SYN1: variants seen among roughly 807,000 people sequenced by gnomAD.
SYN1 encodes synapsin I, also known as synapsin-1.
SYN1 carries 8 observed loss-of-function variants against 44.6 expected under a neutral mutation model. That is an observed-to-expected ratio of 0.18 (90% confidence interval 0.11 to 0.32). The LOEUF is 0.32. Ranked by LOEUF, SYN1 falls within the 10% of genes least tolerant of loss-of-function variation. The probability of loss-of-function intolerance (pLI) is 1.00; values close to 1 mark genes in which losing one functional copy is unlikely to be tolerated. For missense variants in SYN1, 451 were observed against 639.4 expected (o/e 0.71, Z 3.18); for synonymous variants, 275 against 280.1 (o/e 0.98, Z 0.18).
Position 47,619,414 on chromosome X carries a change from GC to G in SYN1, c.314del (p.Gly105AlafsTer39), listed in dbSNP as rs1603078587. 1.7e-6 allele frequency: 2 copies of G among 1,189,278 alleles called. No individual in the cohort carries two copies. Among genetic ancestry groups the G allele is most frequent in the Non-Finnish European group, 1.1e-6 (1 of 889,585 alleles). On this transcript the variant is annotated frameshift_variant, in exon 1 of 13. Coordinates refer to ENST00000295987, the MANE Select transcript of SYN1 (RefSeq NM_006950.3). LOFTEE classifies it high-confidence loss of function. ...FSEQVGGGSG[G>X]AGRGGAASRV... The stretch of plus-strand genomic sequence containing the variant: ...TGGAGGCGGCTCCCCCGCGGCCTGC[GC>G]CCCCAGAGCCGCCGCCCACCTGCTC...
In SYN1 at chrX:47,577,448, C is replaced by T; in HGVS notation, c.828G>A (p.Gly276=). 1 of 1,207,529 alleles carries T rather than the reference C, an allele frequency of 8.3e-7. No individual in the cohort carries two copies. The highest frequency in any genetic ancestry group is 3.0e-5 in the East Asian group (1 of 33,598). ...VVVKMGHAHS[G]MGKVKVDNQH... The stretch of plus-strand genomic sequence containing the variant: ...CCAGCCAGAGACTCACCTTGCCCAT[C>T]CCAGAGTGTGCGTGCCCCATCTTCA... Residue 276 remains glycine (G), a synonymous_variant, in exon 6 of 13, where the codon GGG becomes GGA. Coordinates refer to ENST00000295987, the MANE Select transcript of SYN1 (RefSeq NM_006950.3).
Position 47,574,409 on chromosome X carries a change from C to T in SYN1, c.1575G>A (p.Pro525=), listed in dbSNP as rs762842741. 1 of 1,027,038 alleles carries T rather than the reference C, an allele frequency of 9.7e-7. No individual in the cohort carries two copies. The highest frequency in any genetic ancestry group is 1.2e-6 in the Non-Finnish European group (1 of 812,922). 84.6% of individuals were successfully genotyped at this position (1,027,038 alleles called of 1,213,427 possible). Reference sequence around the variant, plus strand: ...GGGATTGGCGGCCTTGACCCTGGGTCGGCGGCGCGGCCTGGGACGCGGGCT... The same window carrying T: ...GGGATTGGCGGCCTTGACCCTGGGTTGGCGGCGCGGCCTGGGACGCGGGCT... ...PQQPASQAAP[P]TQGQGRQSRP... Residue 525 remains proline, a synonymous_variant, in exon 12 of 13, where the codon CCG becomes CCA. Coordinates refer to ENST00000295987, the MANE Select transcript of SYN1 (RefSeq NM_006950.3).
chrX:47,584,357 C>G (rs1256328416), intron 5 of SYN1, among the ~76,000 whole-genome samples: 6 of 110,679 alleles, frequency 5.4e-5, no homozygotes, highest in African/African-American at 9.9e-5. Context: ...TGAGGATGAT[C>G]AGATATAGAA....
At chrX:47,585,596 T>C (rs779789635) in intron 5 of SYN1, 1 of 1,197,768 alleles carries the variant, frequency 8.3e-7, no homozygotes, top group Non-Finnish European at 1.1e-6. Flanking sequence ...TGTGGCTCCC[T>C]GGAACAGCCT....
chrX:47,583,309 C>A (rs2057807575), intron 5 of SYN1: 2 of 682,309 alleles, frequency 2.9e-6, no homozygotes, highest in Non-Finnish European at 2.1e-6. Flanking sequence ...CCCCCTAATC[C>A]CCCCCATAGG....
chrX:47,603,671 C>T (rs1369202173), intron 5 of SYN1, among the ~76,000 whole-genome samples: 1 of 110,266 alleles, frequency 9.1e-6, no homozygotes, highest in African/African-American at 3.3e-5. Flanking sequence ...CCACTGCATG[C>T]CATGTTTATG....
chrX:47,594,190 C>T (rs1274056179), intron 5 of SYN1, among the ~76,000 whole-genome samples: 2 of 107,706 alleles, frequency 1.9e-5, no homozygotes, highest in East Asian at 2.9e-4. Flanking sequence ...GCCAAGATTG[C>T]GCCACTGCAC....
At position 47,572,303 on chromosome X, in the gene SYN1, G is replaced by A. The variant is rs1183386894; in HGVS notation, c.*561C>T. On this transcript the variant is annotated 3_prime_UTR_variant, in exon 13 of 13. Coordinates refer to ENST00000295987, the MANE Select transcript of SYN1 (RefSeq NM_006950.3). ...CTCCCAAGGTATTGAATGAGGTTGA[G>A]GGGAGCTGGTGAAGGGAAATCCTTG... is the stretch of plus-strand genomic sequence containing the variant. 8.7e-6 allele frequency: 1 copy of A among 115,074 alleles called. No homozygotes were observed. The highest frequency in any genetic ancestry group is 1.8e-5 in the Non-Finnish European group (1 of 55,438). 9.5% of individuals were successfully genotyped at this position (115,074 alleles called of 1,213,427 possible). A position where few individuals can be genotyped will look rare whatever the true frequency, so the allele number is the denominator to read the frequency against.
chrX:47,619,833 ACTC>A lies in SYN1; in HGVS notation c.-108_-106del. On this transcript the variant is annotated 5_prime_UTR_variant, in exon 1 of 13. Coordinates refer to ENST00000295987, the MANE Select transcript of SYN1 (RefSeq NM_006950.3). ...CAGCTGCGCTCTCAGGCACGACACG[ACTC>A]CTCCGCTGCCCACCGCAGACTGAGG... 1 of 880,312 alleles carries A rather than the reference ACTC, an allele frequency of 1.1e-6. No individual in the cohort carries two copies. The highest frequency in any genetic ancestry group is 1.5e-6 in the Non-Finnish European group (1 of 648,796). The allele number at this position is 880,312 out of a possible 1,213,427, so 72.5% of individuals were successfully genotyped here. A position where few individuals can be genotyped will look rare whatever the true frequency, so the allele number is the denominator to read the frequency against.
chrX:47,596,022 CT>C (rs1174590330), intron 5 of SYN1, among the ~76,000 whole-genome samples: 2 of 112,433 alleles, frequency 1.8e-5, no homozygotes, highest in Non-Finnish European at 3.8e-5. Flanking sequence ...TACACATCCC[CT>C]TCTCCTCACC....
chrX:47,574,637 A>G (rs2057771650), intron 11 of SYN1, 47 bp from the exon 12 acceptor site: 9 of 1,130,355 alleles, frequency 8.0e-6, no homozygotes, highest in Non-Finnish European at 8.3e-6. Context: ...GTGAGCGGGT[A>G]AGAGATGGCG....
chrX:47,609,320 G>T (rs2057910340), intron 1 of SYN1, among the ~76,000 whole-genome samples: 1 of 111,994 alleles, frequency 8.9e-6, no homozygotes, highest in African/African-American at 3.2e-5. Context: ...CCTACTTCAT[G>T]AGGGCATCCC....
intron 5 of SYN1, among the ~76,000 whole-genome samples, chrX:47,602,255 C>T (rs186136021): frequency 2.3e-4 from 26 of 112,137 alleles, no homozygotes; most frequent in Non-Finnish European, 4.5e-4. Flanking sequence ...AGGTAAGATT[C>T]TTATACAGAA....
intron 5 of SYN1, among the ~76,000 whole-genome samples, chrX:47,592,957 C>G (rs1341995028): frequency 9.2e-6 from 1 of 108,779 alleles, no homozygotes; most frequent in Non-Finnish European, 1.9e-5. Context: ...TCACTGCAGC[C>G]TCAAACTCCT....
chrX:47,605,154 C>T, intron 4 of SYN1, 69 bp downstream of exon 4: 1 of 1,202,697 alleles, frequency 8.3e-7, no homozygotes, highest in Non-Finnish European at 1.1e-6. Context: ...AAATCGCAGA[C>T]TGGTTTCAAG....
intron 5 of SYN1, chrX:47,590,248 G>A (rs1013645197): frequency 9.9e-5 from 11 of 110,883 alleles, no homozygotes; most frequent in East Asian, 2.8e-4. Context: ...CCTTCTACAC[G>A]CCCACCCACA....
intron 1 of SYN1, among the ~76,000 whole-genome samples, chrX:47,611,994 C>T (rs927401033): frequency 5.4e-5 from 6 of 111,594 alleles, no homozygotes; most frequent in Middle Eastern, 4.6e-3. Context: ...ATATTCCAGG[C>T]GACATGTAAA....
chrX:47,582,714 C>A (rs2057803944), intron 5 of SYN1: 1 of 220,275 alleles, frequency 4.5e-6, no homozygotes, highest in Non-Finnish European at 8.8e-6. Flanking sequence ...AAACCCATGA[C>A]CCCCTAATAT....
At chrX:47,586,059 C>A (rs987630671) in intron 5 of SYN1, 12 of 964,181 alleles carry the variant, frequency 1.2e-5, no homozygotes, top group Non-Finnish European at 1.6e-5. Context: ...TGTTGCTCTG[C>A]AGCTCTGACT....
Sources: gnomAD v4.1 joint callset for allele counts (sites outside exome capture counted in the v4.1 genomes callset) on GRCh38, gnomAD v4.1.1 for gene constraint, MANE v1.5 for transcripts, NCBI Gene and HGNC (gene_info 2026-07-23, HGNC 2026-07-21) for gene names.